Variants in PRICKLE2 observed in about 807,000 individuals in gnomAD.
The protein encoded by PRICKLE2 is prickle planar cell polarity protein 2, also known as prickle-like protein 2.
Under a neutral mutation model 81.4 loss-of-function variants are expected in PRICKLE2, and 21 were observed. That is an observed-to-expected ratio of 0.26 (90% CI 0.18 to 0.37). The LOEUF (loss-of-function observed/expected upper bound fraction) is 0.37. Among genes scored for constraint, PRICKLE2 ranks in the 10% least tolerant of loss-of-function variants. The pLI is 1.00. For synonymous variants in PRICKLE2, 456 were observed against 421.5 expected, an observed-to-expected ratio of 1.08 and a Z score of -1.00; for missense variants, 940 against 1,109.0, an observed-to-expected ratio of 0.85 and a Z score of 2.16.
intron 2 of PRICKLE2, among the ~76,000 whole-genome samples, chr3:64,235,202 C>T (rs890708254): frequency 6.6e-6 from 1 of 152,166 alleles, no homozygotes; most frequent in South Asian, 2.1e-4. Flanking sequence ...TACTTTTCAA[C>T]TCAAAATTTT....
At chr3:64,220,547 C>G (rs557179358) in intron 1 of PRICKLE2, among the ~76,000 whole-genome samples, 10 of 152,278 alleles carry the variant, frequency 6.6e-5, no homozygotes, top group African/African-American at 2.4e-4. Context: ...CAAACACTTA[C>G]ATACAGCAGC....
chr3:64,130,818 T>G (rs55796057), intron 7 of PRICKLE2, among the ~76,000 whole-genome samples: 22,496 of 152,114 alleles, frequency 0.15, 1,948 homozygotes, highest in Non-Finnish European at 0.2. Flanking sequence ...GGTCCAGGTA[T>G]CAGTATTTCT....
At position 64,267,570 on chromosome 3, in the gene PRICKLE2, G is replaced by C. The variant is rs548122752; in HGVS notation, c.129-68603C>G. ...GGAAAATGAATTCTAAGAGAATAAA[G>C]GCTATTTAAAAAGCAAGTCCAGGGA... On this transcript the variant is annotated intron_variant, in intron 2 of 8. Coordinates refer to the PRICKLE2 transcript ENST00000295902. Among the ~76,000 whole-genome samples the C allele has an allele frequency of 1.7e-3, 251 of 151,046 alleles. 1 individual carries two copies. The highest frequency in any genetic ancestry group is 2.8e-3 in the Non-Finnish European group (191 of 67,556).
chr3:64,241,229 TAAC>T (rs925870384), intron 2 of PRICKLE2, among the ~76,000 whole-genome samples: 2 of 152,188 alleles, frequency 1.3e-5, no homozygotes, highest in Admixed American at 6.5e-5. Context: ...TGGCTCCTCT[TAAC>T]AACAACATCT....
intron 7 of PRICKLE2, chr3:64,100,822 G>A (rs951936007): frequency 1.3e-5 from 2 of 152,208 alleles, no homozygotes; most frequent in Non-Finnish European, 2.9e-5. Context: ...GCTCTCTAAG[G>A]AGATGTTTAA....
intron 1 of PRICKLE2, among the ~76,000 whole-genome samples, chr3:64,203,303 G>C (rs1434289903): frequency 1.3e-5 from 2 of 152,158 alleles, no homozygotes; most frequent in Non-Finnish European, 2.9e-5. Context: ...ATCAGCTACT[G>C]CACAATGGTC....
At chr3:64,144,748 T>A (rs922237957) in intron 7 of PRICKLE2, among the ~76,000 whole-genome samples, 1 of 152,248 alleles carries the variant, frequency 6.6e-6, no homozygotes, top group Admixed American at 6.5e-5. Flanking sequence ...CTGCTGAGCA[T>A]GTCTGAGACA....
chr3:64,220,757 C>A (rs1352557566), intron 1 of PRICKLE2, among the ~76,000 whole-genome samples: 3 of 152,104 alleles, frequency 2.0e-5, no homozygotes, highest in African/African-American at 7.2e-5. Flanking sequence ...TTCTGTGCCC[C>A]CTGGAGTGTT....
chr3:64,200,985 A>T lies in PRICKLE2; in HGVS notation c.-40-2018T>A, dbSNP rs576705088. ...TGCTCTGTCGCCCAGACTGGAGTGC[A>T]GTGGCACGATCTCGGCTCACTGCAA... is the stretch of plus-strand genomic sequence containing the variant. On this transcript the variant is annotated intron_variant, in intron 1 of 7. Transcript: ENST00000638394. The T allele has an allele frequency of 2.0e-5, 3 of 147,150 alleles. No individual in the cohort carries two copies. The South Asian group carries it at 6.4e-4, about 32-fold the overall frequency. 9.1% of individuals were successfully genotyped at this position (147,150 alleles called of 1,614,324 possible). A position where few individuals can be genotyped will look rare whatever the true frequency, so the allele number is the denominator to read the frequency against.
At chr3:64,251,151 T>G (rs2079442198) in intron 2 of PRICKLE2, among the ~76,000 whole-genome samples, 1 of 152,222 alleles carries the variant, frequency 6.6e-6, no homozygotes, top group Non-Finnish European at 1.5e-5. Context: ...CAACATGTGG[T>G]GCCCAGTCTG....
intron 7 of PRICKLE2, among the ~76,000 whole-genome samples, chr3:64,140,435 C>A (rs2077342355): frequency 6.6e-6 from 1 of 152,228 alleles, no homozygotes; most frequent in South Asian, 2.1e-4. Flanking sequence ...TGGGACCCAG[C>A]TCTCTATGAA....
chr3:64,250,383 T>C (rs568285768), intron 2 of PRICKLE2, among the ~76,000 whole-genome samples: 18 of 152,262 alleles, frequency 1.2e-4, no homozygotes, highest in African/African-American at 4.3e-4. Flanking sequence ...TTACCAAATG[T>C]CTAGGGGAGT....
intron 7 of PRICKLE2, among the ~76,000 whole-genome samples, chr3:64,111,963 T>C (rs1284462457): frequency 6.6e-6 from 1 of 152,184 alleles, no homozygotes; most frequent in Non-Finnish European, 1.5e-5. Context: ...CTCATGACAA[T>C]GTAAAAGGTA....
At chr3:64,264,580 T>C (rs1162327533) in intron 2 of PRICKLE2, among the ~76,000 whole-genome samples, 1 of 152,184 alleles carries the variant, frequency 6.6e-6, no homozygotes, top group Non-Finnish European at 1.5e-5. Context: ...CAACTTAGTG[T>C]TCAAAATTAG....
At chr3:64,226,032 C>A (rs697289), upstream of PRICKLE2, among the ~76,000 whole-genome samples, 2 of 152,068 alleles carry the variant, frequency 1.3e-5, no homozygotes, top group African/African-American at 2.4e-5. Context: ...GGTGGTGAGT[C>A]AGTCAGCTGC....
intron 2 of PRICKLE2, among the ~76,000 whole-genome samples, chr3:64,265,014 G>A (rs767063751): frequency 3.3e-5 from 5 of 152,164 alleles, no homozygotes; most frequent in African/African-American, 7.2e-5. Flanking sequence ...CAGTACCTGC[G>A]TCTGTTCCCT....
chr3:64,204,398 AGT>A (rs2078644069), intron 1 of PRICKLE2, among the ~76,000 whole-genome samples: 1 of 152,214 alleles, frequency 6.6e-6, no homozygotes, highest in South Asian at 2.1e-4. Flanking sequence ...AGAGTGGTTA[AGT>A]GGCTTGTAAG....
chr3:64,107,369 A>T (rs1331098524), intron 7 of PRICKLE2, among the ~76,000 whole-genome samples: 2 of 152,104 alleles, frequency 1.3e-5, no homozygotes, highest in Non-Finnish European at 2.9e-5. Context: ...GAAAGAAAAT[A>T]TTTGCTGGCT....
Position 64,265,411 on chromosome 3 carries a change from G to A in PRICKLE2, c.129-66444C>T, listed in dbSNP as rs370648048. Among the ~76,000 whole-genome samples the A allele has an allele frequency of 3.7e-4, 57 of 152,094 alleles. 1 individual carries two copies. In the East Asian group the frequency reaches 5.2e-3, roughly 14 times the overall value. On this transcript the variant is annotated intron_variant, in intron 2 of 8. Coordinates refer to the PRICKLE2 transcript ENST00000295902. ...TTCCTCTCATTGACATCAGAATATC[G>A]CACAGAGTTTATATTCACCTAGCGC...
Sources: allele counts gnomAD v4.1 joint callset (sites outside exome capture counted in the v4.1 genomes callset), GRCh38; gene constraint gnomAD v4.1.1; transcripts MANE v1.5; gene names NCBI Gene and HGNC (gene_info 2026-07-23, HGNC 2026-07-21).